Variants in KIF26B observed in about 807,000 individuals in gnomAD.
KIF26B encodes the protein kinesin-like protein KIF26B.
KIF26B carries 63 observed loss-of-function variants against 151.2 expected under a neutral mutation model. That is an observed-to-expected ratio of 0.42 (90% CI 0.34 to 0.51). The LOEUF (loss-of-function observed/expected upper bound fraction) is 0.51, where lower values mean the gene tolerates loss of function less well. Ranked by LOEUF, KIF26B falls within the 20% of genes least tolerant of loss-of-function variation. The probability of loss-of-function intolerance (pLI) is 0.07; values close to 1 mark genes in which losing one functional copy is unlikely to be tolerated. For synonymous variants in KIF26B, 1,357 were observed against 1,262.1 expected (o/e 1.08, Z -1.59); for missense variants, 2,813 against 2,913.6 (o/e 0.97, Z 0.79).
chr1:245,193,245 G>A (rs1320670271), intron 2 of KIF26B, among the ~76,000 whole-genome samples: 1 of 152,214 alleles, frequency 6.6e-6, no homozygotes, highest in African/African-American at 2.4e-5. Flanking sequence ...GTTCCATGGT[G>A]TATATGAGCC....
chr1:245,284,370 C>A (rs1671128564), intron 2 of KIF26B, among the ~76,000 whole-genome samples: 1 of 109,536 alleles, frequency 9.1e-6, no homozygotes, highest in Non-Finnish European at 1.8e-5. Context: ...TTTATTTCTC[C>A]AGATACCTGG....
At chr1:245,622,491 G>A (rs148739083) in intron 9 of KIF26B, among the ~76,000 whole-genome samples, 6 of 152,284 alleles carry the variant, frequency 3.9e-5, no homozygotes, top group East Asian at 1.9e-4. Context: ...TTCTGCAGAC[G>A]CGTGGATGCC....
intron 9 of KIF26B, among the ~76,000 whole-genome samples, chr1:245,620,397 T>A (rs2043644861): frequency 7.0e-6 from 1 of 143,498 alleles, no homozygotes. Context: ...TTCAACATCG[T>A]TAAAAAAAAT....
chr1:245,419,547 G>A (rs755434879), intron 3 of KIF26B, 32 bp from the exon 4 acceptor site: 2 of 1,584,412 alleles, frequency 1.3e-6, no homozygotes, highest in South Asian at 1.2e-5. Flanking sequence ...TGAGCCACAG[G>A]TAATGAGCTC....
chr1:245,407,095 A>G (rs1044075397), intron 3 of KIF26B, among the ~76,000 whole-genome samples: 1 of 152,120 alleles, frequency 6.6e-6, no homozygotes, highest in South Asian at 2.1e-4. Context: ...GCCCAGGTCT[A>G]TTTTTTAAAT....
intron 2 of KIF26B, among the ~76,000 whole-genome samples, chr1:245,290,184 T>C (rs1484954403): frequency 3.9e-5 from 1 of 25,328 alleles, no homozygotes; most frequent in Non-Finnish European, 7.3e-5. Flanking sequence ...ATTGAATGAA[T>C]GAATGAATGA....
chr1:245,505,424 C>T (rs1420633817), intron 4 of KIF26B, among the ~76,000 whole-genome samples: 12 of 152,108 alleles, frequency 7.9e-5, no homozygotes, highest in South Asian at 6.2e-4. Context: ...CTTGCTCTGT[C>T]GCCCAGGCTG....
rs2043453058 is a variant in KIF26B, at chr1:245,606,243, T to C, written c.1558-1408T>C. ...CCACCCTGGAACAAGTGACAGCTGT[T>C]GGAAGTGTGGTTTTTCAATTTTAGT... On this transcript the variant is annotated intron_variant, in intron 6 of 14. Coordinates refer to ENST00000407071, the MANE Select transcript of KIF26B (RefSeq NM_018012.4). This position sits in a 1 kb window ranked among gnomAD's most constrained non-coding sequence, Gnocchi z 4.6. Among the ~76,000 whole-genome samples the C allele has an allele frequency of 6.6e-6, 1 of 152,142 alleles. No individual in the cohort carries two copies. Among genetic ancestry groups the C allele is most frequent in the Admixed American group, 6.5e-5 (1 of 15,286 alleles).
At chr1:245,405,814 G>A (rs923638630) in intron 3 of KIF26B, among the ~76,000 whole-genome samples, 1 of 152,058 alleles carries the variant, frequency 6.6e-6, no homozygotes, top group Non-Finnish European at 1.5e-5. Context: ...ACTGAATTGT[G>A]TAGGATTTGG....
intron 3 of KIF26B, among the ~76,000 whole-genome samples, chr1:245,393,959 C>T (rs1321285754): frequency 2.0e-5 from 3 of 152,184 alleles, no homozygotes; most frequent in African/African-American, 7.2e-5. Flanking sequence ...ATTCGAACTG[C>T]TTCTTAAACA....
rs12039015 is a variant in KIF26B, at chr1:245,331,187, C to T, written c.466-35647C>T. Among the ~76,000 whole-genome samples, 111 of 152,122 alleles carry T rather than the reference C, an allele frequency of 7.3e-4. 2 individuals carry two copies. In the East Asian group the frequency reaches 0.016, roughly 23 times the overall value. ...GCGGAGGCACAGGCTTCTCATTCCG[C>T]GCGAGTGACCGAGACATGGATCGCG... On this transcript the variant is annotated intron_variant, in intron 2 of 14. Coordinates refer to ENST00000407071, the MANE Select transcript of KIF26B (RefSeq NM_018012.4).
At chr1:245,406,854 C>G (rs1165047889) in intron 3 of KIF26B, among the ~76,000 whole-genome samples, 2 of 152,090 alleles carry the variant, frequency 1.3e-5, no homozygotes, top group Non-Finnish European at 2.9e-5. Context: ...GTGGTGCGAT[C>G]TCGGCTCACT....
intron 14 of KIF26B, among the ~76,000 whole-genome samples, chr1:245,701,930 C>T (rs746652638): frequency 1.2e-4 from 19 of 152,192 alleles, no homozygotes; most frequent in Non-Finnish European, 2.6e-4. Flanking sequence ...GGGTTGATCC[C>T]AGATACCTGC....
intron 4 of KIF26B, among the ~76,000 whole-genome samples, chr1:245,439,287 C>T (rs1052600503): frequency 6.3e-5 from 9 of 141,830 alleles, no homozygotes; most frequent in Non-Finnish European, 1.0e-4. Context: ...GTTAAGGCTA[C>T]AGTGAGCCAT....
chr1:245,688,464 C>T lies in KIF26B; in HGVS notation c.5481C>T (p.Pro1827=), dbSNP rs2147958489. The change falls in exon 12 of 15, where the codon CCC becomes CCT. Residue 1827 remains proline, a synonymous_variant. Transcript: ENST00000407071. Reference sequence around the variant, plus strand: ...GGGGCTTGCAGCTGCGGGCCGGGCCCGAGGCGGAGGCGCGCGGGGGGGCCC... The same window carrying T: ...GGGGCTTGCAGCTGCGGGCCGGGCCTGAGGCGGAGGCGCGCGGGGGGGCCC... ...GARGLQLRAG[P]EAEARGGALA... is the part of the protein sequence containing the mutation. 2.2e-6 allele frequency: 3 copies of T among 1,374,902 alleles called. No individual in the cohort carries two copies. The highest frequency in any genetic ancestry group is 3.1e-5 in the African/African-American group (2 of 65,342). 85.2% of individuals were successfully genotyped at this position (1,374,902 alleles called of 1,614,324 possible).
chr1:245,397,658 A>C (rs1673880901), intron 3 of KIF26B, among the ~76,000 whole-genome samples: 1 of 152,206 alleles, frequency 6.6e-6, no homozygotes, highest in South Asian at 2.1e-4. Context: ...ATGTTTTTAA[A>C]ATTGTGTAGT....
At chr1:245,679,537 C>T (rs1485438652) in intron 10 of KIF26B, among the ~76,000 whole-genome samples, 2 of 137,328 alleles carry the variant, frequency 1.5e-5, no homozygotes, top group Non-Finnish European at 1.5e-5. Flanking sequence ...GGCGCAATCT[C>T]GGCTCACTGC....
intron 2 of KIF26B, among the ~76,000 whole-genome samples, chr1:245,180,457 C>A (rs1668886878): frequency 6.6e-6 from 1 of 152,194 alleles, no homozygotes; most frequent in African/African-American, 2.4e-5. Flanking sequence ...GGGGAGAACA[C>A]CTTCCTTTCA....
intron 2 of KIF26B, among the ~76,000 whole-genome samples, chr1:245,157,700 A>G (rs976400862): frequency 7.2e-5 from 11 of 152,220 alleles, no homozygotes; most frequent in Non-Finnish European, 2.9e-5. Context: ...TTATGAATGC[A>G]GAACTTATCT....
Sources: allele counts gnomAD v4.1 joint callset (sites outside exome capture counted in the v4.1 genomes callset), GRCh38; gene constraint gnomAD v4.1.1; non-coding constraint Gnocchi (gnomAD v3.1); transcripts MANE v1.5; gene names NCBI Gene and HGNC (gene_info 2026-07-23, HGNC 2026-07-21).